The following RABGAP1 variants were observed in gnomAD, a reference collection of about 807,000 sequenced individuals.
The protein encoded by RABGAP1 is rab GTPase-activating protein 1.
In RABGAP1, 23 loss-of-function variants were observed where a neutral mutation model predicts 137.6. The ratio of observed to expected loss-of-function variants is 0.17; its 90% CI spans 0.12 to 0.24. The LOEUF (loss-of-function observed/expected upper bound fraction) is 0.24. RABGAP1 is among the 10% of genes least tolerant of loss of function. The pLI is 1.00. For missense variants in RABGAP1, 906 were observed against 1,275.8 expected, an observed-to-expected ratio of 0.71 and a Z score of 4.42; for synonymous variants, 451 against 450.7, an observed-to-expected ratio of 1.00 and a Z score of -0.01.
intron 13 of RABGAP1, among the ~76,000 whole-genome samples, chr9:123,023,303 C>T (rs959580033): frequency 7.9e-5 from 12 of 152,170 alleles, no homozygotes; most frequent in African/African-American, 2.7e-4. Context: ...GCATCAGCCT[C>T]CCAAGTAGCT....
intron 13 of RABGAP1, chr9:123,034,557 T>A: frequency 6.4e-7 from 1 of 1,572,668 alleles, no homozygotes; most frequent in Non-Finnish European, 8.7e-7. Context: ...AGATCACTCC[T>A]GAGCTCAAGA....
intron 2 of RABGAP1, among the ~76,000 whole-genome samples, chr9:122,983,491 C>A (rs907381080): frequency 2.0e-5 from 3 of 152,122 alleles, no homozygotes; most frequent in African/African-American, 7.2e-5. Context: ...ATTATAAAAG[C>A]CTGAATCAAT....
intron 13 of RABGAP1, among the ~76,000 whole-genome samples, chr9:123,058,736 T>C (rs2033849564): frequency 2.0e-5 from 3 of 152,226 alleles, no homozygotes; most frequent in Admixed American, 2.0e-4. Flanking sequence ...AATTGTGCCA[T>C]GCCAGTCACC....
At chr9:122,975,334 A>G (rs921051517) in intron 2 of RABGAP1, among the ~76,000 whole-genome samples, 2 of 152,228 alleles carry the variant, frequency 1.3e-5, no homozygotes, top group Admixed American at 1.3e-4. Context: ...CAGTGAAAGG[A>G]AACAAGGACT....
chr9:123,071,654 G>A (rs888478156), intron 15 of RABGAP1, among the ~76,000 whole-genome samples: 5 of 152,332 alleles, frequency 3.3e-5, no homozygotes, highest in African/African-American at 1.2e-4. Flanking sequence ...TAACAAGGGA[G>A]TCTTACTTAG....
At chr9:122,961,955 G>A (rs1834876908) in intron 2 of RABGAP1, among the ~76,000 whole-genome samples, 1 of 152,074 alleles carries the variant, frequency 6.6e-6, no homozygotes, top group African/African-American at 2.4e-5. Context: ...CGATAAATAA[G>A]AAGGTTAATA....
At chr9:123,076,169 G>C in intron 17 of RABGAP1, 76 bp from the exon 18 acceptor site, 4 of 1,405,496 alleles carry the variant, frequency 2.8e-6, no homozygotes, top group Non-Finnish European at 3.9e-6. Flanking sequence ...CTTTAAAAAT[G>C]TGGGGTATAA....
chr9:122,989,091 A>G (rs933770451), intron 4 of RABGAP1, among the ~76,000 whole-genome samples: 3 of 152,166 alleles, frequency 2.0e-5, no homozygotes, highest in Admixed American at 6.5e-5. Context: ...AAAACATGAT[A>G]CTATATGGTT....
intron 2 of RABGAP1, among the ~76,000 whole-genome samples, chr9:122,979,869 A>C (rs1835956825): frequency 6.6e-6 from 1 of 152,186 alleles, no homozygotes; most frequent in Non-Finnish European, 1.5e-5. Flanking sequence ...CTGAAACTAC[A>C]TTTATTTTAG....
chr9:123,077,583 G>C (rs539899518), intron 19 of RABGAP1, among the ~76,000 whole-genome samples: 1 of 148,550 alleles, frequency 6.7e-6, no homozygotes, highest in Non-Finnish European at 1.5e-5. Context: ...AAAGGTATAG[G>C]ATCTTCTTGT....
chr9:122,997,073 T>A, intron 8 of RABGAP1, 186 bp from the exon 9 acceptor site: 1 of 591,556 alleles, frequency 1.7e-6, no homozygotes, highest in South Asian at 2.0e-5. Context: ...CATATACATA[T>A]AACTTCAGGA....
At chr9:123,087,922 G>C (rs1390828937) in intron 19 of RABGAP1, among the ~76,000 whole-genome samples, 3 of 152,178 alleles carry the variant, frequency 2.0e-5, no homozygotes, top group Non-Finnish European at 2.9e-5. Flanking sequence ...GAAAGTTAGA[G>C]TGGAGTAGAT....
intron 22 of RABGAP1, among the ~76,000 whole-genome samples, 176 bp downstream of exon 22, chr9:123,098,021 A>G (rs1373847106): frequency 6.6e-6 from 1 of 152,136 alleles, no homozygotes; most frequent in Non-Finnish European, 1.5e-5. Flanking sequence ...AAAGTCTAGG[A>G]GGAGACAGTG....
chr9:123,056,111 A>T (rs1037192294), intron 13 of RABGAP1, among the ~76,000 whole-genome samples: 22 of 152,218 alleles, frequency 1.4e-4, no homozygotes, highest in Non-Finnish European at 2.5e-4. Flanking sequence ...AGTAAATGGT[A>T]TTAGATACCA....
intron 13 of RABGAP1, among the ~76,000 whole-genome samples, chr9:123,032,010 T>A (rs973134748): frequency 6.6e-6 from 1 of 152,166 alleles, no homozygotes; most frequent in Non-Finnish European, 1.5e-5. Flanking sequence ...TGTATTTGAG[T>A]AATGTGTGAC....
chr9:123,066,482 A>C (rs1037828906), intron 14 of RABGAP1, among the ~76,000 whole-genome samples: 2 of 152,096 alleles, frequency 1.3e-5, no homozygotes, highest in Non-Finnish European at 2.9e-5. Flanking sequence ...TTCCTATTTC[A>C]TGGTGCTCTT....
chr9:122,963,606 G>A (rs185190154), intron 2 of RABGAP1, among the ~76,000 whole-genome samples: 170 of 152,238 alleles, frequency 1.1e-3, no homozygotes, highest in African/African-American at 3.7e-3. Context: ...AGACTTATGG[G>A]ATACAGCTTA....
At chr9:123,073,250 C>T (rs1564177302) in intron 15 of RABGAP1, among the ~76,000 whole-genome samples, 1 of 152,178 alleles carries the variant, frequency 6.6e-6, no homozygotes, top group South Asian at 2.1e-4. Flanking sequence ...CAGATACAGG[C>T]CTTCCTGTTC....
At chr9:123,022,470 G>T (rs182464582) in intron 13 of RABGAP1, among the ~76,000 whole-genome samples, 2 of 151,798 alleles carry the variant, frequency 1.3e-5, no homozygotes, top group Admixed American at 1.3e-4. Context: ...GCAGTGGTAC[G>T]ATCTCGGCTC....
Sources: gnomAD v4.1 joint callset for allele counts (sites outside exome capture counted in the v4.1 genomes callset) on GRCh38, gnomAD v4.1.1 for gene constraint, MANE v1.5 for transcripts, NCBI Gene and HGNC (gene_info 2026-07-23, HGNC 2026-07-21) for gene names.